The following SLC4A4 variants were observed in gnomAD, a reference collection of about 807,000 sequenced individuals.
SLC4A4 encodes electrogenic sodium bicarbonate cotransporter 1.
SLC4A4 carries 27 observed loss-of-function variants against 111.5 expected under a neutral mutation model. That is an observed-to-expected ratio of 0.24 (90% confidence interval 0.18 to 0.33). The LOEUF (loss-of-function observed/expected upper bound fraction) is 0.33, where lower values mean the gene tolerates loss of function less well. Ranked by LOEUF, SLC4A4 falls within the 10% of genes least tolerant of loss-of-function variation. The probability of loss-of-function intolerance (pLI) is 1.00; values close to 1 mark genes in which losing one functional copy is unlikely to be tolerated. For missense variants in SLC4A4, 909 were observed against 1,315.5 expected, an observed-to-expected ratio of 0.69 and a Z score of 4.78; for synonymous variants, 443 against 463.4, an observed-to-expected ratio of 0.96 and a Z score of 0.57.
intron 6 of SLC4A4, among the ~76,000 whole-genome samples, chr4:71,371,388 C>T (rs1458351038): frequency 2.0e-5 from 3 of 151,730 alleles, no homozygotes; most frequent in Non-Finnish European, 4.4e-5. Context: ...GGATTACAGG[C>T]GCCCACCACC....
rs1737657234 is a variant in SLC4A4 at position 71,568,038 on chromosome 4, T to C, written c.*287T>C. On this transcript the variant is annotated 3_prime_UTR_variant, in exon 26 of 26. Transcript: ENST00000264485. ...GCGCTCTCTCTGCTTCTCTCTTGCATAGACACAATCAAGACAATAGTGCAC... is the reference window on the plus strand; with the variant it reads ...GCGCTCTCTCTGCTTCTCTCTTGCACAGACACAATCAAGACAATAGTGCAC... 3 of 618,268 alleles carry C rather than the reference T, an allele frequency of 4.9e-6. No homozygotes were observed. Among genetic ancestry groups the C allele is most frequent in the Non-Finnish European group, 8.7e-6 (3 of 343,964 alleles). 38.3% of individuals were successfully genotyped at this position (618,268 alleles called of 1,614,324 possible).
At chr4:71,236,777 C>T in intron 2 of SLC4A4, 128 bp downstream of exon 2, 1 of 775,570 alleles carries the variant, frequency 1.3e-6, no homozygotes, top group Non-Finnish European at 2.2e-6. Flanking sequence ...AGAGTTTCAT[C>T]AATCTCTACA....
chr4:71,182,085 C>T (rs1156535936), intron 2 of SLC4A4, among the ~76,000 whole-genome samples: 2 of 152,076 alleles, frequency 1.3e-5, no homozygotes, highest in African/African-American at 4.8e-5. Flanking sequence ...TTGTAAGTTC[C>T]ATGAAGCAGG....
At chr4:71,107,320 G>C (rs564870885) in intron 2 of SLC4A4, among the ~76,000 whole-genome samples, 1 of 151,964 alleles carries the variant, frequency 6.6e-6, no homozygotes, top group Admixed American at 6.6e-5. Flanking sequence ...CGGCATTACT[G>C]TCTTCTTCTG....
At chr4:71,236,234 A>T (rs78479691) in intron 1 of SLC4A4, 84 of 958,380 alleles carry the variant, frequency 8.8e-5, no homozygotes, top group East Asian at 1.9e-4. Context: ...CTCTCTTGGT[A>T]TTTTTTTTTT....
intron 1 of SLC4A4, among the ~76,000 whole-genome samples, chr4:71,216,174 G>T (rs997215366): frequency 9.9e-5 from 15 of 152,108 alleles, no homozygotes; most frequent in African/African-American, 3.6e-4. Context: ...CCCCCAATGT[G>T]CTGGGATTAC....
At chr4:71,164,072 C>G (rs1410974768) in intron 2 of SLC4A4, among the ~76,000 whole-genome samples, 1 of 151,944 alleles carries the variant, frequency 6.6e-6, no homozygotes, top group Non-Finnish European at 1.5e-5. Context: ...ATGGCAAAAC[C>G]CCGACTCTAC....
chr4:71,295,446 A>C (rs1724711807), intron 3 of SLC4A4, among the ~76,000 whole-genome samples: 2 of 152,128 alleles, frequency 1.3e-5, no homozygotes, highest in African/African-American at 4.8e-5. Context: ...TTTTACCTTG[A>C]TTTTCCTAAA....
intron 16 of SLC4A4, among the ~76,000 whole-genome samples, chr4:71,508,020 G>A (rs1424114757): frequency 6.6e-6 from 1 of 152,088 alleles, no homozygotes; most frequent in Non-Finnish European, 1.5e-5. Flanking sequence ...CACAAATCAG[G>A]AAGTTCTTTG....
chr4:71,340,512 A>G (rs968541638), intron 4 of SLC4A4, among the ~76,000 whole-genome samples: 1 of 152,218 alleles, frequency 6.6e-6, no homozygotes, highest in African/African-American at 2.4e-5. Flanking sequence ...CATAGTATAC[A>G]TAGGGTTTAG....
chr4:71,409,336 C>A (rs544472734), intron 7 of SLC4A4, among the ~76,000 whole-genome samples: 158 of 152,218 alleles, frequency 1.0e-3, no homozygotes, highest in Middle Eastern at 3.4e-3. Flanking sequence ...ATGGCATTGA[C>A]AAAAATGCTG....
At chr4:71,211,032 T>G (rs1307543865) in intron 1 of SLC4A4, among the ~76,000 whole-genome samples, 1 of 152,260 alleles carries the variant, frequency 6.6e-6, no homozygotes, top group East Asian at 1.9e-4. Flanking sequence ...GCATTCAGAA[T>G]GTTTTTCTTT....
chr4:71,259,357 G>A lies in SLC4A4; in HGVS notation c.253+3958G>A, dbSNP rs75594662. Among the ~76,000 whole-genome samples the A allele has an allele frequency of 1.5e-3, 235 of 152,166 alleles. 1 individual carries two copies. The highest frequency in any genetic ancestry group is 5.4e-3 in the African/African-American group (223 of 41,544). On this transcript the variant is annotated intron_variant, in intron 3 of 25. Coordinates refer to ENST00000264485, the MANE Select transcript of SLC4A4 (RefSeq NM_001098484.3). ...TCTGAGGAGGAAGCGAGCTAGCTTC[G>A]TATCCCCCTCTGAGCTCAGCAGCAG...
chr4:71,446,457 G>A (rs1725239515), intron 8 of SLC4A4, among the ~76,000 whole-genome samples: 1 of 152,076 alleles, frequency 6.6e-6, no homozygotes, highest in Admixed American at 6.6e-5. Flanking sequence ...TCACAACCTT[G>A]GTATATCAGT....
intron 2 of SLC4A4, among the ~76,000 whole-genome samples, chr4:71,159,014 T>A (rs1384231388): frequency 6.6e-6 from 1 of 152,184 alleles, no homozygotes; most frequent in Non-Finnish European, 1.5e-5. Flanking sequence ...ATATATGTTG[T>A]TTATTAAAAA....
intron 3 of SLC4A4, among the ~76,000 whole-genome samples, chr4:71,260,805 C>T (rs1160122865): frequency 1.3e-5 from 2 of 152,082 alleles, no homozygotes; most frequent in African/African-American, 4.8e-5. Flanking sequence ...CTAGTTTCCT[C>T]ATATGTAAAA....
At chr4:71,478,574 C>T (rs1728580646) in intron 14 of SLC4A4, among the ~76,000 whole-genome samples, 1 of 147,402 alleles carries the variant, frequency 6.8e-6, no homozygotes, top group Non-Finnish European at 1.5e-5. Flanking sequence ...CATATGGGCA[C>T]AGGGAGGGGA....
chr4:71,269,799 A>G (rs1329594134), intron 3 of SLC4A4, among the ~76,000 whole-genome samples: 1 of 152,228 alleles, frequency 6.6e-6, no homozygotes, highest in African/African-American at 2.4e-5. Flanking sequence ...ACAGTGGTTA[A>G]GACCATAGGT....
At chr4:71,080,752 A>C (rs893068324) in intron 1 of SLC4A4, among the ~76,000 whole-genome samples, 1 of 151,878 alleles carries the variant, frequency 6.6e-6, no homozygotes, top group East Asian at 1.9e-4. Flanking sequence ...TCCTCATTTC[A>C]CCTGGGTTTG....
Sources: allele counts gnomAD v4.1 joint callset (sites outside exome capture counted in the v4.1 genomes callset), GRCh38; gene constraint gnomAD v4.1.1; transcripts MANE v1.5; gene names NCBI Gene and HGNC (gene_info 2026-07-23, HGNC 2026-07-21).